The following XNDC1N variants were observed in gnomAD, a reference collection of about 807,000 sequenced individuals.
The protein encoded by XNDC1N is XRCC1 N-terminal domain containing 1, N-terminal like, also known as protein XNDC1N.
the XNDC1N span, among the ~76,000 whole-genome samples, chr11:71,922,787 A>T: frequency 1.3e-5 from 2 of 152,148 alleles, no homozygotes; most frequent in African/African-American, 4.8e-5. Context: ...GAGGTGGAGT[A>T]GGAGTAAATA....
At chr11:71,891,162 T>C in the XNDC1N span, among the ~76,000 whole-genome samples, 4 of 152,166 alleles carry the variant, frequency 2.6e-5, no homozygotes, top group African/African-American at 9.6e-5. Flanking sequence ...TTGAAAATGA[T>C]ATCATACTCT....
the XNDC1N span, among the ~76,000 whole-genome samples, chr11:71,906,939 A>G: frequency 2.0e-5 from 3 of 152,158 alleles, no homozygotes; most frequent in Admixed American, 1.3e-4. Flanking sequence ...CAAGGTGTAC[A>G]AACCCTGTGA....
chr11:71,924,394 C>G, the XNDC1N span, among the ~76,000 whole-genome samples: 1 of 151,788 alleles, frequency 6.6e-6, no homozygotes, highest in Non-Finnish European at 1.5e-5. Context: ...AAAAAAAGTT[C>G]TGGACCGGGC....
chr11:71,901,103 G>A, the XNDC1N span, among the ~76,000 whole-genome samples: 12 of 152,132 alleles, frequency 7.9e-5, no homozygotes. Flanking sequence ...AGATCACATC[G>A]AGGATTCCAG....
At chr11:71,895,753 C>A in the XNDC1N span, among the ~76,000 whole-genome samples, 25 of 152,292 alleles carry the variant, frequency 1.6e-4, no homozygotes, top group Middle Eastern at 6.8e-3. Context: ...GGCACAGTAT[C>A]CCTGAAGTTT....
chr11:71,897,463 T>A, the XNDC1N span, among the ~76,000 whole-genome samples: 1 of 152,064 alleles, frequency 6.6e-6, no homozygotes, highest in African/African-American at 2.4e-5. Context: ...CAATGGCCAA[T>A]AAGCATCTAA....
the XNDC1N span, among the ~76,000 whole-genome samples, chr11:71,910,016 C>T: frequency 8.5e-5 from 13 of 152,116 alleles, no homozygotes; most frequent in African/African-American, 1.9e-4. Context: ...GACAACTCTC[C>T]GGGATTGGCC....
At chr11:71,903,017 A>T in the XNDC1N span, among the ~76,000 whole-genome samples, 2 of 152,228 alleles carry the variant, frequency 1.3e-5, no homozygotes, top group Non-Finnish European at 2.9e-5. Flanking sequence ...TTATAAGACA[A>T]TTGAGTTTGT....
the XNDC1N span, chr11:71,919,109 C>T: frequency 3.0e-6 from 2 of 675,450 alleles, no homozygotes; most frequent in Non-Finnish European, 5.4e-6. Flanking sequence ...ATCGCTAAAA[C>T]CCCAAACCTT....
At chr11:71,905,874 C>T in the XNDC1N span, among the ~76,000 whole-genome samples, 1 of 152,010 alleles carries the variant, frequency 6.6e-6, no homozygotes, top group Non-Finnish European at 1.5e-5. Flanking sequence ...CATGTATGTA[C>T]ACCCACTGTG....
chr11:71,918,368 A>T, the XNDC1N span, among the ~76,000 whole-genome samples: 1 of 151,834 alleles, frequency 6.6e-6, no homozygotes, highest in African/African-American at 2.4e-5. Context: ...TGCAGCCTTG[A>T]CCTCCTGGGC....
At chr11:71,895,271 T>C in the XNDC1N span, among the ~76,000 whole-genome samples, 1 of 151,954 alleles carries the variant, frequency 6.6e-6, no homozygotes, top group Non-Finnish European at 1.5e-5. Context: ...TACAAATATT[T>C]ATTATGTTGT....
chr11:71,892,159 C>T, the XNDC1N span, among the ~76,000 whole-genome samples: 1 of 152,146 alleles, frequency 6.6e-6, no homozygotes, highest in Non-Finnish European at 1.5e-5. Context: ...GGAGTAATAT[C>T]TTCCTAGGGT....
the XNDC1N span, among the ~76,000 whole-genome samples, chr11:71,922,995 T>C: frequency 8.5e-5 from 13 of 152,242 alleles, no homozygotes; most frequent in African/African-American, 1.9e-4. Flanking sequence ...TTCTAAATGA[T>C]AGAATGATCA....
the XNDC1N span, among the ~76,000 whole-genome samples, chr11:71,867,474 C>A: frequency 6.6e-6 from 1 of 151,896 alleles, no homozygotes; most frequent in Non-Finnish European, 1.5e-5. Context: ...AACACAGAAA[C>A]ACCGCCATCT....
At chr11:71,883,827 C>T in the XNDC1N span, among the ~76,000 whole-genome samples, 5 of 152,116 alleles carry the variant, frequency 3.3e-5, no homozygotes, top group Non-Finnish European at 5.9e-5. Context: ...GCCTTGAGCC[C>T]GAATACACTG....
the XNDC1N span, among the ~76,000 whole-genome samples, chr11:71,898,721 G>C: frequency 1.3e-5 from 2 of 152,186 alleles, no homozygotes; most frequent in African/African-American, 4.8e-5. Flanking sequence ...GCGAGAAAGA[G>C]GAGTGGAGAG....
chr11:71,882,082 G>A, the XNDC1N span, among the ~76,000 whole-genome samples: 6 of 151,478 alleles, frequency 4.0e-5, no homozygotes, highest in Admixed American at 3.3e-4. Flanking sequence ...AATCAAAGAC[G>A]AAAAGAAAAT....
the XNDC1N span, among the ~76,000 whole-genome samples, chr11:71,905,172 C>T: frequency 6.6e-6 from 1 of 151,532 alleles, no homozygotes; most frequent in Non-Finnish European, 1.5e-5. Context: ...GTACACTCAA[C>T]GTGATATTTG....
Sources: allele counts gnomAD v4.1 joint callset (sites outside exome capture counted in the v4.1 genomes callset), GRCh38; gene constraint gnomAD v4.1.1; transcripts MANE v1.5; gene names NCBI Gene and HGNC (gene_info 2026-07-23, HGNC 2026-07-21).